PPFIBP2: variants seen among roughly 807,000 people sequenced by gnomAD.
The protein encoded by PPFIBP2 is PPFIB scaffold protein 2.
A neutral mutation model predicts 118.3 loss-of-function variants in PPFIBP2; 118 were observed. The ratio of observed to expected loss-of-function variants is 1.00; its 90% CI spans 0.86 to 1.16. The LOEUF (loss-of-function observed/expected upper bound fraction) is 1.16. Among genes scored for constraint, PPFIBP2 ranks in the 50% most tolerant of loss-of-function variants. PPFIBP2 has a pLI of 0.00. For missense variants in PPFIBP2, 1,195 were observed against 1,073.1 expected, an observed-to-expected ratio of 1.11 and a Z score of -1.59; for synonymous variants, 414 against 397.4, an observed-to-expected ratio of 1.04 and a Z score of -0.50.
chr11:7,618,374 G>A (rs1161981365), intron 6 of PPFIBP2, among the ~76,000 whole-genome samples: 1 of 152,204 alleles, frequency 6.6e-6, no homozygotes, highest in East Asian at 1.9e-4. Context: ...AGAAGGAAGA[G>A]GATGTTCCAG....
intron 8 of PPFIBP2, among the ~76,000 whole-genome samples, chr11:7,626,712 T>G (rs187822302): frequency 6.6e-6 from 1 of 152,260 alleles, no homozygotes; most frequent in African/African-American, 2.4e-5. Flanking sequence ...TATGGCTGTT[T>G]GCCATGTATA....
At chr11:7,662,591 C>T in the PPFIBP2 span, among the ~76,000 whole-genome samples, 7 of 150,160 alleles carry the variant, frequency 4.7e-5, no homozygotes, top group African/African-American at 1.5e-4. Flanking sequence ...TTTTTTCCTT[C>T]GTTTCAACTT....
intron 17 of PPFIBP2, among the ~76,000 whole-genome samples, chr11:7,645,026 CAAAAAAAAAAAAAAAAA>C (rs57087700): frequency 3.7e-5 from 3 of 81,812 alleles, no homozygotes; most frequent in African/African-American, 5.8e-5. Context: ...GACTCCGTCT[CAAAAAAAAAAAAAAAAA>C]AAAAAAAAAA....
intron 13 of PPFIBP2, among the ~76,000 whole-genome samples, chr11:7,634,930 G>C (rs773592599): frequency 6.6e-6 from 1 of 152,118 alleles, no homozygotes; most frequent in Admixed American, 6.5e-5. Flanking sequence ...GGGGCACTTG[G>C]GGACATCGTA....
rs1007782415 is a variant in PPFIBP2, at chr11:7,579,732, A to G, written c.280-13400A>G. On this transcript the variant is annotated intron_variant, in intron 3 of 23. Transcript: ENST00000299492. Reference sequence around the variant, plus strand: ...ACCCAGGGTATGCTGGCTCCTGTGGACAGTTGGAAGTTTGCTTAGGGAAAC... The same window carrying G: ...ACCCAGGGTATGCTGGCTCCTGTGGGCAGTTGGAAGTTTGCTTAGGGAAAC... Among the ~76,000 whole-genome samples the G allele has an allele frequency of 2.0e-5, 3 of 152,120 alleles. No homozygotes were observed. The South Asian group carries it at 6.2e-4, about 31-fold the overall frequency.
chr11:7,565,132 C>T (rs961974862), intron 2 of PPFIBP2, among the ~76,000 whole-genome samples: 2 of 152,200 alleles, frequency 1.3e-5, no homozygotes, highest in African/African-American at 4.8e-5. Context: ...GAGCTTCATA[C>T]ATCAGTCCCA....
intron 3 of PPFIBP2, among the ~76,000 whole-genome samples, chr11:7,570,557 A>C (rs1855548699): frequency 6.6e-6 from 1 of 152,200 alleles, no homozygotes; most frequent in Non-Finnish European, 1.5e-5. Context: ...CTCAGGCTCC[A>C]GGGTGAGGGG....
In PPFIBP2 at chr11:7,653,412, C is replaced by T; in HGVS notation, c.*194C>T. ...GGAGCTGCATCTCTAAGGGGCCAGGCTTTGGGGACCATTGCCAAAGGTGGA... is the reference window on the plus strand; with the variant it reads ...GGAGCTGCATCTCTAAGGGGCCAGGTTTTGGGGACCATTGCCAAAGGTGGA... On this transcript the variant is annotated 3_prime_UTR_variant, in exon 24 of 24. Coordinates refer to ENST00000299492, the MANE Select transcript of PPFIBP2 (RefSeq NM_003621.5). 1 of 1,495,098 alleles carries T rather than the reference C, an allele frequency of 6.7e-7. No individual in the cohort carries two copies. The highest frequency in any genetic ancestry group is 8.9e-7 in the Non-Finnish European group (1 of 1,125,772). 92.6% of individuals were successfully genotyped at this position (1,495,098 alleles called of 1,614,324 possible).
chr11:7,643,636 A>G (rs12421452), intron 17 of PPFIBP2, among the ~76,000 whole-genome samples: 15,114 of 152,258 alleles, frequency 0.099, 1,166 homozygotes, highest in East Asian at 0.43. Flanking sequence ...GTGGAAAAGA[A>G]AGGCCTTGTG....
intron 5 of PPFIBP2, among the ~76,000 whole-genome samples, chr11:7,604,557 A>T (rs1295419385): frequency 1.5e-5 from 2 of 135,430 alleles, no homozygotes; most frequent in African/African-American, 5.8e-5. Context: ...ACACACACAC[A>T]CCCCACACAC....
intron 17 of PPFIBP2, 25 bp downstream of exon 17, chr11:7,642,451 GATCTCCCTGCTCTGAAAAAGAAGT>G: frequency 6.3e-7 from 1 of 1,599,508 alleles, no homozygotes; most frequent in Non-Finnish European, 8.5e-7. Context: ...ACTTTCCTTT[GATCTCCCTGCTCTGAAAAAGAAGT>G]ATCTCCCTTC....
chr11:7,597,698 CT>C, intron 5 of PPFIBP2, 25 bp downstream of exon 5: 1 of 1,585,334 alleles, frequency 6.3e-7, no homozygotes, highest in African/African-American at 1.3e-5. Flanking sequence ...ACTGAAGGCC[CT>C]TGGGTGCCGA....
chr11:7,531,385 G>A (rs1850669099), intron 1 of PPFIBP2, among the ~76,000 whole-genome samples: 1 of 152,170 alleles, frequency 6.6e-6, no homozygotes. Flanking sequence ...TCAGGCTGCA[G>A]GATCTTAGGG....
In PPFIBP2 at chr11:7,546,046, G is replaced by A. The variant is rs557836365; in HGVS notation, c.-36-3394G>A. Among the ~76,000 whole-genome samples, 13 of 152,322 alleles carry A rather than the reference G, an allele frequency of 8.5e-5. No individual in the cohort carries two copies. The South Asian group carries it at 2.3e-3, about 27-fold the overall frequency. The stretch of plus-strand genomic sequence containing the variant: ...GGAGAACTTCCAGGTTGGTGAACGC[G>A]TGGAAGTGCTGCTGGGTAGCAGCCC... On this transcript the variant is annotated intron_variant, in intron 1 of 23. Coordinates refer to ENST00000299492, the MANE Select transcript of PPFIBP2 (RefSeq NM_003621.5).
intron 3 of PPFIBP2, among the ~76,000 whole-genome samples, chr11:7,567,450 C>A (rs2134747892): frequency 6.6e-6 from 1 of 152,264 alleles, no homozygotes; most frequent in East Asian, 1.9e-4. Context: ...GGAATGCCTT[C>A]CTTTGAAGAG....
At chr11:7,544,088 C>T (rs1280055011) in intron 1 of PPFIBP2, among the ~76,000 whole-genome samples, 1 of 152,142 alleles carries the variant, frequency 6.6e-6, no homozygotes, top group Admixed American at 6.5e-5. Flanking sequence ...GATGCTGTCC[C>T]AGATAGGAAG....
intron 1 of PPFIBP2, among the ~76,000 whole-genome samples, chr11:7,524,488 G>T (rs954652716): frequency 6.6e-6 from 1 of 152,216 alleles, no homozygotes; most frequent in African/African-American, 2.4e-5. Context: ...CAAATGGCTT[G>T]TTTCATGAGG....
intron 1 of PPFIBP2, among the ~76,000 whole-genome samples, chr11:7,540,250 T>TGG (rs148043487): frequency 8.2e-5 from 10 of 121,348 alleles, no homozygotes; most frequent in Admixed American, 5.2e-4. Flanking sequence ...ATGAGGGGTG[T>TGG]GGGGGGGCGG....
chr11:7,581,888 G>A lies in PPFIBP2; in HGVS notation c.280-11244G>A, dbSNP rs1378930801. On this transcript the variant is annotated intron_variant, in intron 3 of 23. Transcript: ENST00000299492. ...GTCTAGGTCTGTCACCCAGGCTGGA[G>A]TGCAGTGGCACAATCTTGGCTCACT... Among the ~76,000 whole-genome samples the A allele has an allele frequency of 2.0e-5, 3 of 151,910 alleles. No homozygotes were observed. The East Asian group carries it at 5.8e-4, about 29-fold the overall frequency.
Sources: allele counts gnomAD v4.1 joint callset (sites outside exome capture counted in the v4.1 genomes callset), GRCh38; gene constraint gnomAD v4.1.1; transcripts MANE v1.5; gene names NCBI Gene and HGNC (gene_info 2026-07-23, HGNC 2026-07-21).